Variants in DPP6 observed in about 807,000 individuals in gnomAD.
The protein encoded by DPP6 is dipeptidyl peptidase like 6, also known as A-type potassium channel modulatory protein DPP6.
Under a neutral mutation model 122.6 loss-of-function variants are expected in DPP6, and 69 were observed. The ratio of observed to expected loss-of-function variants is 0.56; its 90% CI spans 0.46 to 0.69. The LOEUF is 0.69. Ranked by LOEUF, DPP6 falls within the 30% of genes least tolerant of loss-of-function variation. The probability of loss-of-function intolerance (pLI) is 0.00; values close to 1 mark genes in which losing one functional copy is unlikely to be tolerated. For missense variants in DPP6, 928 were observed against 1,116.9 expected (o/e 0.83, Z 2.41); for synonymous variants, 418 against 433.1 (o/e 0.97, Z 0.43).
intron 1 of DPP6, among the ~76,000 whole-genome samples, chr7:153,901,599 T>A (rs1451189332): frequency 6.6e-6 from 1 of 152,242 alleles, no homozygotes; most frequent in Non-Finnish European, 1.5e-5. Flanking sequence ...CTGACGGTGA[T>A]GTCAGCTTCT....
chr7:154,825,368 A>G (rs1800072551), intron 16 of DPP6, among the ~76,000 whole-genome samples: 1 of 152,228 alleles, frequency 6.6e-6, no homozygotes, highest in Non-Finnish European at 1.5e-5. Context: ...GAGCTATGCA[A>G]CAGAGTTGAG....
chr7:154,630,963 A>G (rs557816072), intron 5 of DPP6, among the ~76,000 whole-genome samples: 1 of 152,314 alleles, frequency 6.6e-6, no homozygotes, highest in South Asian at 2.1e-4. Flanking sequence ...AAAATAAAAT[A>G]ATAAAAAATT....
At chr7:154,765,102 T>A (rs1795817155) in intron 8 of DPP6, among the ~76,000 whole-genome samples, 1 of 152,196 alleles carries the variant, frequency 6.6e-6, no homozygotes, top group African/African-American at 2.4e-5. Context: ...ATGAATGAGA[T>A]CATTCGGCAT....
At chr7:154,175,330 G>T (rs1332300996) in intron 1 of DPP6, among the ~76,000 whole-genome samples, 1 of 152,064 alleles carries the variant, frequency 6.6e-6, no homozygotes, top group Non-Finnish European at 1.5e-5. Context: ...GTCATGATAT[G>T]AGCCCTTCAA....
chr7:154,487,584 A>T (rs1823906538), intron 3 of DPP6, among the ~76,000 whole-genome samples: 1 of 152,196 alleles, frequency 6.6e-6, no homozygotes, highest in Non-Finnish European at 1.5e-5. Flanking sequence ...GCTCAGGTGA[A>T]TCCCAATGCA....
chr7:154,356,573 C>G (rs572150245), intron 1 of DPP6, among the ~76,000 whole-genome samples: 4 of 151,700 alleles, frequency 2.6e-5, no homozygotes, highest in Admixed American at 2.6e-4. Flanking sequence ...ATCCCCCAAC[C>G]CCCCCACCAA....
At chr7:153,749,393 C>T in the DPP6 span, among the ~76,000 whole-genome samples, 2 of 152,116 alleles carry the variant, frequency 1.3e-5, no homozygotes, top group African/African-American at 2.4e-5. The surrounding 1 kb of genome is among the most constrained non-coding windows in gnomAD (Gnocchi z 4.1). Context: ...AATCAGACCC[C>T]CCTGGGCCAG....
At chr7:154,614,090 C>T (rs892009266) in intron 5 of DPP6, among the ~76,000 whole-genome samples, 1 of 152,254 alleles carries the variant, frequency 6.6e-6, no homozygotes, top group Non-Finnish European at 1.5e-5. Flanking sequence ...CCATCCACAG[C>T]TGTCTTCCCT....
At chr7:154,500,151 G>A (rs189539822) in intron 3 of DPP6, among the ~76,000 whole-genome samples, 22 of 152,240 alleles carry the variant, frequency 1.4e-4, no homozygotes, top group Non-Finnish European at 2.9e-4. Context: ...CAGGTGACCA[G>A]CCAAAGCCAC....
chr7:154,328,016 C>A (rs1808598267), intron 1 of DPP6, among the ~76,000 whole-genome samples: 1 of 152,198 alleles, frequency 6.6e-6, no homozygotes, highest in South Asian at 2.1e-4. Context: ...TTTCCTGAGA[C>A]CCCTCTGGTG....
intron 1 of DPP6, among the ~76,000 whole-genome samples, chr7:154,086,666 TGGAGTGCAGTG>T (rs1804447167): frequency 6.7e-6 from 1 of 150,262 alleles, no homozygotes; most frequent in Non-Finnish European, 1.5e-5. Context: ...TCACCCAGGC[TGGAGTGCAGTG>T]GCACAATCTC....
chr7:153,868,575 A>C, the DPP6 span, among the ~76,000 whole-genome samples: 1 of 151,348 alleles, frequency 6.6e-6, no homozygotes, highest in African/African-American at 2.4e-5. Context: ...GCAGTCTATC[A>C]ATTTTGTTGA....
chr7:154,385,687 A>G (rs1814045314), intron 1 of DPP6, among the ~76,000 whole-genome samples: 1 of 152,346 alleles, frequency 6.6e-6, no homozygotes, highest in Non-Finnish European at 1.5e-5. Context: ...AATCACTGAC[A>G]TTTAACTCCC....
chr7:154,689,619 C>G (rs1487510573), intron 7 of DPP6, among the ~76,000 whole-genome samples: 2 of 152,114 alleles, frequency 1.3e-5, no homozygotes, highest in South Asian at 4.2e-4. Context: ...TTCGTCTACA[C>G]TGTGGGACAT....
intron 7 of DPP6, among the ~76,000 whole-genome samples, chr7:154,709,083 A>G (rs1320060614): frequency 6.6e-6 from 1 of 152,224 alleles, no homozygotes; most frequent in African/African-American, 2.4e-5. Context: ...GTTGAAAAGC[A>G]TTCCTAATAT....
intron 1 of DPP6, among the ~76,000 whole-genome samples, chr7:153,983,919 T>C (rs1157585378): frequency 6.6e-6 from 1 of 151,826 alleles, no homozygotes; most frequent in African/African-American, 2.4e-5. Context: ...TGTACCTCAG[T>C]TGGAAATGCA....
At chr7:153,805,361 G>A in the DPP6 span, among the ~76,000 whole-genome samples, 16 of 152,290 alleles carry the variant, frequency 1.1e-4, no homozygotes, top group East Asian at 3.1e-3. Flanking sequence ...AATAATAGCA[G>A]TTGTTGTTGT....
chr7:154,550,748 C>CTTTT (rs35197365), intron 4 of DPP6, among the ~76,000 whole-genome samples: 2 of 126,824 alleles, frequency 1.6e-5, no homozygotes, highest in African/African-American at 2.9e-5. Flanking sequence ...AATTTTAGTT[C>CTTTT]TTTTTTTTTT....
intron 1 of DPP6, among the ~76,000 whole-genome samples, chr7:153,928,833 T>C (rs994728811): frequency 1.4e-4 from 21 of 152,116 alleles, no homozygotes; most frequent in African/African-American, 5.1e-4. Flanking sequence ...CAAAACCTAA[T>C]TAGAAGGGTA....
Sources: allele counts gnomAD v4.1 joint callset (sites outside exome capture counted in the v4.1 genomes callset), GRCh38; gene constraint gnomAD v4.1.1; non-coding constraint Gnocchi (gnomAD v3.1); transcripts MANE v1.5; gene names NCBI Gene and HGNC (gene_info 2026-07-23, HGNC 2026-07-21).